Variants in MARCHF3 observed in about 807,000 individuals in gnomAD.
MARCHF3 encodes the protein membrane associated ring-CH-type finger 3, also known as E3 ubiquitin-protein ligase MARCHF3.
MARCHF3 carries 13 observed loss-of-function variants against 24.2 expected under a neutral mutation model. The ratio of observed to expected loss-of-function variants is 0.54; its 90% confidence interval spans 0.35 to 0.85. The LOEUF (loss-of-function observed/expected upper bound fraction) is 0.85, where lower values mean the gene tolerates loss of function less well. Among genes scored for constraint, MARCHF3 ranks in the 40% least tolerant of loss-of-function variants. The probability of loss-of-function intolerance (pLI) is 0.01; values close to 1 mark genes in which losing one functional copy is unlikely to be tolerated. For missense variants in MARCHF3, 276 were observed against 325.0 expected (o/e 0.85, Z 1.16); for synonymous variants, 144 against 137.3 (o/e 1.05, Z -0.34).
chr5:126,915,709 G>A (rs1754704268), intron 2 of MARCHF3, among the ~76,000 whole-genome samples: 1 of 152,164 alleles, frequency 6.6e-6, no homozygotes, highest in South Asian at 2.1e-4. Context: ...TGCTCTATGG[G>A]ATGCCAAAGA....
intron 1 of MARCHF3, among the ~76,000 whole-genome samples, chr5:126,935,082 A>G (rs193079774): frequency 1.4e-4 from 21 of 152,328 alleles, no homozygotes; most frequent in Non-Finnish European, 1.5e-4. Context: ...TGGTTGGGAT[A>G]GATAGGCAGG....
rs764624814 is a variant in MARCHF3 at position 126,918,167 on chromosome 5, G to A, written c.5C>T (p.Thr2Ile). Residue 2 changes from threonine (T) to isoleucine (I), a missense_variant, in exon 2 of 5, where the codon ACA becomes ATA. Thr to Ile is a moderately conservative substitution (Grantham distance 89). Transcript: ENST00000308660. MTTSRCSHLPEV... is the reference protein window; with the variant it reads MITSRCSHLPEV... ...GGGCAGGTGACTGCAGCGGCTGGTT[G>A]TCATGGTAACAGACAGCAATTACTC... The A allele has an allele frequency of 3.1e-6, 5 of 1,612,874 alleles. No individual in the cohort carries two copies. The highest frequency in any genetic ancestry group is 3.3e-5 in the Admixed American group (2 of 59,928).
intron 4 of MARCHF3, among the ~76,000 whole-genome samples, chr5:126,872,968 G>A (rs1222925922): frequency 6.6e-6 from 1 of 152,162 alleles, no homozygotes; most frequent in Non-Finnish European, 1.5e-5. Flanking sequence ...CCAACAGCGG[G>A]AAAGAGGTGG....
At chr5:126,981,496 G>T (rs901625358) in intron 1 of MARCHF3, among the ~76,000 whole-genome samples, 2 of 152,230 alleles carry the variant, frequency 1.3e-5, no homozygotes, top group Admixed American at 6.5e-5. Context: ...TACTCCAGAT[G>T]TAAGTGTGTT....
intron 4 of MARCHF3, among the ~76,000 whole-genome samples, chr5:126,873,214 G>C (rs1448924222): frequency 6.6e-6 from 1 of 152,100 alleles, no homozygotes; most frequent in East Asian, 1.9e-4. Context: ...CGTGACTTGG[G>C]GAGGTTATTT....
intron 1 of MARCHF3, among the ~76,000 whole-genome samples, chr5:126,994,678 GAACT>G (rs1751886655): frequency 6.6e-6 from 1 of 152,312 alleles, no homozygotes; most frequent in South Asian, 2.1e-4. Context: ...TAGAGGTACA[GAACT>G]AACAGGATAT....
intron 1 of MARCHF3, among the ~76,000 whole-genome samples, chr5:127,018,210 A>G (rs1752687624): frequency 1.3e-5 from 2 of 152,100 alleles, no homozygotes; most frequent in Admixed American, 1.3e-4. Context: ...ATCTCTACTA[A>G]AAATACAAAA....
At chr5:126,895,464 T>C (rs1753851597) in intron 3 of MARCHF3, among the ~76,000 whole-genome samples, 1 of 152,158 alleles carries the variant, frequency 6.6e-6, no homozygotes, top group Non-Finnish European at 1.5e-5. Flanking sequence ...TGGTCTTTGA[T>C]GATGGTGATG....
At chr5:126,976,693 G>T (rs1053979440) in intron 1 of MARCHF3, among the ~76,000 whole-genome samples, 1 of 152,202 alleles carries the variant, frequency 6.6e-6, no homozygotes, top group African/African-American at 2.4e-5. Flanking sequence ...GAGCTGAAAT[G>T]ACACAATTTC....
chr5:127,025,137 A>T (rs1752953366), intron 1 of MARCHF3, among the ~76,000 whole-genome samples: 1 of 152,158 alleles, frequency 6.6e-6, no homozygotes, highest in African/African-American at 2.4e-5. Context: ...ATTGTTTAAA[A>T]CACAGATACT....
chr5:126,899,665 C>T (rs957330399), intron 3 of MARCHF3, among the ~76,000 whole-genome samples: 1 of 152,120 alleles, frequency 6.6e-6, no homozygotes, highest in Non-Finnish European at 1.5e-5. Flanking sequence ...GCTTTGCTTT[C>T]CAACTAGAGT....
intron 1 of MARCHF3, among the ~76,000 whole-genome samples, chr5:127,017,680 A>G (rs1752675812): frequency 2.0e-5 from 3 of 152,208 alleles, no homozygotes; most frequent in Admixed American, 6.5e-5. Context: ...GTACCATCAT[A>G]AAGTTGAAAA....
At chr5:126,995,730 T>C (rs906569107) in intron 1 of MARCHF3, among the ~76,000 whole-genome samples, 1 of 152,240 alleles carries the variant, frequency 6.6e-6, no homozygotes, top group Non-Finnish European at 1.5e-5. Context: ...TATTTTTCCC[T>C]GTTTTTCTCC....
chr5:126,924,607 G>C (rs1193443844), intron 1 of MARCHF3, among the ~76,000 whole-genome samples: 3 of 152,210 alleles, frequency 2.0e-5, no homozygotes, highest in Non-Finnish European at 4.4e-5. Flanking sequence ...TGAATGTTCA[G>C]AGAAAATGAG....
intron 1 of MARCHF3, among the ~76,000 whole-genome samples, chr5:126,935,601 C>CTTTTTT (rs202058243): frequency 5.7e-5 from 4 of 70,592 alleles, no homozygotes; most frequent in Admixed American, 1.8e-4. Context: ...GTATATATGG[C>CTTTTTT]TTTTTTTTTT....
intron 1 of MARCHF3, among the ~76,000 whole-genome samples, chr5:127,027,737 G>A (rs530085103): frequency 1.3e-5 from 2 of 152,156 alleles, no homozygotes; most frequent in Non-Finnish European, 2.9e-5. Flanking sequence ...AATTTCACAA[G>A]GCCAGTAAAT....
intron 1 of MARCHF3, among the ~76,000 whole-genome samples, chr5:127,020,987 A>G (rs1752787989): frequency 6.6e-6 from 1 of 152,194 alleles, no homozygotes; most frequent in Non-Finnish European, 1.5e-5. Flanking sequence ...CTCCCCAGAC[A>G]CCAAATCTGC....
chr5:126,915,276 G>A, intron 2 of MARCHF3, 142 bp from the exon 3 acceptor site: 1 of 746,056 alleles, frequency 1.3e-6, no homozygotes, highest in East Asian at 2.7e-5. Flanking sequence ...CCTTGGCAAT[G>A]GGGCAAATGA....
intron 1 of MARCHF3, among the ~76,000 whole-genome samples, chr5:126,942,631 G>C (rs1039780090): frequency 1.3e-5 from 2 of 152,148 alleles, no homozygotes; most frequent in East Asian, 3.8e-4. Flanking sequence ...TTAGATGTTT[G>C]ACATCTCTAT....
Sources: gnomAD v4.1 joint callset for allele counts (sites outside exome capture counted in the v4.1 genomes callset) on GRCh38, gnomAD v4.1.1 for gene constraint, MANE v1.5 for transcripts, NCBI Gene and HGNC (gene_info 2026-07-23, HGNC 2026-07-21) for gene names.